The following PDE4B variants were observed in gnomAD, a reference collection of about 807,000 sequenced individuals.
PDE4B encodes phosphodiesterase 4B.
A neutral mutation model predicts 82.2 loss-of-function variants in PDE4B; 20 were observed. The observed-to-expected ratio is 0.24, with a 90% CI of 0.17 to 0.35. PDE4B has a LOEUF of 0.35. PDE4B is among the 10% of genes least tolerant of loss of function. PDE4B has a pLI of 1.00. For missense variants in PDE4B, 655 were observed against 907.2 expected (o/e 0.72, Z 3.57); for synonymous variants, 320 against 318.9 (o/e 1.00, Z -0.04).
rs72674140 is a variant in PDE4B at position 66,365,996 on chromosome 1, T to C, written c.1384+230T>C. Among the ~76,000 whole-genome samples the C allele has an allele frequency of 8.2e-3, 1,253 of 152,272 alleles. 10 individuals are homozygous for C. Among genetic ancestry groups the C allele is most frequent in the Non-Finnish European group, 0.012 (790 of 68,020 alleles). ...GTCATAGGGGAGCCATAAAAAGTAC[T>C]CAAAATTTGGCAAATACAATATGTA... On this transcript the variant is annotated intron_variant, in intron 13 of 16. Coordinates refer to ENST00000341517, the MANE Select transcript of PDE4B (RefSeq NM_002600.4).
chr1:66,153,442 C>T (rs763202915), intron 3 of PDE4B, among the ~76,000 whole-genome samples: 71 of 152,248 alleles, frequency 4.7e-4, no homozygotes, highest in Admixed American at 7.8e-4. Context: ...GGCAACCATC[C>T]CCTCTCCCTT....
Position 65,885,576 on chromosome 1 carries a change from C to T in PDE4B, c.-70-27669C>T, listed in dbSNP as rs1268588628. Among the ~76,000 whole-genome samples the T allele has an allele frequency of 1.5e-4, 23 of 152,000 alleles. No individual in the cohort carries two copies. In the East Asian group the frequency reaches 2.9e-3, roughly 19 times the overall value. Reference sequence around the variant, plus strand: ...GTCCTTTGTAGGGACATGGATGAAGCCGGAAACGATCATTCTCAGCAAACT... The same window carrying T: ...GTCCTTTGTAGGGACATGGATGAAGTCGGAAACGATCATTCTCAGCAAACT... On this transcript the variant is annotated intron_variant, in intron 1 of 16. Transcript: ENST00000341517.
chr1:66,241,269 A>AT (rs1427070984), intron 3 of PDE4B, among the ~76,000 whole-genome samples: 16 of 152,132 alleles, frequency 1.1e-4, no homozygotes, highest in Non-Finnish European at 1.5e-5. Context: ...TGTGTTTTTC[A>AT]CAGCTTAGTC....
chr1:66,027,470 G>A lies in PDE4B; in HGVS notation c.281+108635G>A, dbSNP rs1009859420. Among the ~76,000 whole-genome samples the A allele has an allele frequency of 3.9e-5, 6 of 152,018 alleles. No homozygotes were observed. In the East Asian group the frequency reaches 5.8e-4, roughly 15 times the overall value. Reference sequence around the variant, plus strand: ...AGCCAAACCATATCATTCTGTGCCTGGCCCCACCAAATCTCATGTCCTCAC... The same window carrying A: ...AGCCAAACCATATCATTCTGTGCCTAGCCCCACCAAATCTCATGTCCTCAC... On this transcript the variant is annotated intron_variant, in intron 3 of 16. Transcript: ENST00000341517.
intron 3 of PDE4B, among the ~76,000 whole-genome samples, chr1:66,180,849 A>G (rs550561835): frequency 6.6e-6 from 1 of 152,320 alleles, no homozygotes; most frequent in South Asian, 2.1e-4. Flanking sequence ...GAATGTGTGT[A>G]TGTGTGTCCA....
At chr1:66,188,285 G>A (rs927417197) in intron 3 of PDE4B, among the ~76,000 whole-genome samples, 5 of 151,630 alleles carry the variant, frequency 3.3e-5, no homozygotes, top group African/African-American at 9.7e-5. Context: ...TAGGTGTGGT[G>A]TGGTGCTGAA....
intron 3 of PDE4B, among the ~76,000 whole-genome samples, chr1:66,205,571 G>A (rs555440359): frequency 3.9e-5 from 6 of 152,150 alleles, no homozygotes; most frequent in Admixed American, 2.0e-4. Flanking sequence ...AGCAAGTGCT[G>A]CATTGCTGTT....
At chr1:66,183,937 T>G (rs1323290398) in intron 3 of PDE4B, among the ~76,000 whole-genome samples, 2 of 152,146 alleles carry the variant, frequency 1.3e-5, no homozygotes, top group Non-Finnish European at 2.9e-5. Flanking sequence ...CAGAGCAATA[T>G]TCAAAGACTG....
chr1:66,000,719 T>A (rs971326837), intron 3 of PDE4B, among the ~76,000 whole-genome samples: 1 of 152,208 alleles, frequency 6.6e-6, no homozygotes, highest in African/African-American at 2.4e-5. Context: ...TGAGATGATG[T>A]GCTCCCTTGA....
chr1:65,906,597 A>G (rs189577567), intron 1 of PDE4B, among the ~76,000 whole-genome samples: 7 of 152,264 alleles, frequency 4.6e-5, no homozygotes, highest in African/African-American at 1.2e-4. Flanking sequence ...ATTCACTAAC[A>G]AATTCATTGA....
At chr1:65,947,642 G>A (rs1648778883) in intron 3 of PDE4B, among the ~76,000 whole-genome samples, 1 of 151,900 alleles carries the variant, frequency 6.6e-6, no homozygotes, top group South Asian at 2.1e-4. Context: ...TATCAGAAAA[G>A]GGAAATTTAG....
At chr1:66,191,057 A>G (rs1647760326) in intron 3 of PDE4B, among the ~76,000 whole-genome samples, 1 of 152,174 alleles carries the variant, frequency 6.6e-6, no homozygotes, top group South Asian at 2.1e-4. Flanking sequence ...ATATATTTAT[A>G]TTCATTATGT....
At chr1:66,233,381 G>A (rs1652144517) in intron 3 of PDE4B, among the ~76,000 whole-genome samples, 1 of 151,778 alleles carries the variant, frequency 6.6e-6, no homozygotes, top group African/African-American at 2.4e-5. Flanking sequence ...CCATTCACCT[G>A]TTACATTTGG....
intron 3 of PDE4B, among the ~76,000 whole-genome samples, chr1:66,021,103 A>G: frequency 6.6e-6 from 1 of 152,236 alleles, no homozygotes; most frequent in Non-Finnish European, 1.5e-5. Flanking sequence ...TGTTGGCTGC[A>G]TAAATGTCTT....
chr1:66,056,601 T>C (rs930010450), intron 3 of PDE4B, among the ~76,000 whole-genome samples: 2 of 151,992 alleles, frequency 1.3e-5, no homozygotes, highest in Non-Finnish European at 2.9e-5. Context: ...ATTAAAGATA[T>C]GGAGCTTGAG....
chr1:66,313,931 T>C (rs897154134), intron 7 of PDE4B, among the ~76,000 whole-genome samples: 1 of 152,124 alleles, frequency 6.6e-6, no homozygotes, highest in Non-Finnish European at 1.5e-5. Context: ...AAACTCAATG[T>C]GGTCCAAATT....
intron 3 of PDE4B, among the ~76,000 whole-genome samples, chr1:66,106,810 C>G (rs1645370362): frequency 8.3e-6 from 1 of 120,448 alleles, no homozygotes; most frequent in Non-Finnish European, 1.8e-5. Flanking sequence ...TTTATTGCAT[C>G]TATTTGATTC....
chr1:66,057,637 T>TA (rs1655372364), intron 3 of PDE4B, among the ~76,000 whole-genome samples: 1 of 152,158 alleles, frequency 6.6e-6, no homozygotes, highest in South Asian at 2.1e-4. Flanking sequence ...AGTCACGTCT[T>TA]ACATGGATGG....
intron 3 of PDE4B, among the ~76,000 whole-genome samples, chr1:66,144,020 C>A (rs1410870714): frequency 6.6e-6 from 1 of 152,316 alleles, no homozygotes; most frequent in East Asian, 1.9e-4. Flanking sequence ...CCACTGTAAC[C>A]AGGTTTCTGC....
Sources: gnomAD v4.1 joint callset for allele counts (sites outside exome capture counted in the v4.1 genomes callset) on GRCh38, gnomAD v4.1.1 for gene constraint, MANE v1.5 for transcripts, NCBI Gene and HGNC (gene_info 2026-07-23, HGNC 2026-07-21) for gene names.